Variants in RPS6KC1 observed in about 807,000 individuals in gnomAD.
The protein encoded by RPS6KC1 is inactive ribosomal protein S6 kinase delta-1.
RPS6KC1 carries 54 observed loss-of-function variants against 103.8 expected under a neutral mutation model. The observed-to-expected ratio is 0.52, with a 90% CI of 0.42 to 0.65. RPS6KC1 has a LOEUF of 0.65. Among genes scored for constraint, RPS6KC1 ranks in the 30% least tolerant of loss-of-function variants. The probability of loss-of-function intolerance (pLI) is 0.00; values close to 1 mark genes in which losing one functional copy is unlikely to be tolerated. For missense variants in RPS6KC1, 1,151 were observed against 1,253.8 expected (o/e 0.92, Z 1.24); for synonymous variants, 439 against 438.7 (o/e 1.00, Z -0.01).
At chr1:213,817,653 T>A in the RPS6KC1 span, 2 of 152,224 alleles carry the variant, frequency 1.3e-5, no homozygotes, top group Non-Finnish European at 2.9e-5. Flanking sequence ...ATAGGAATGT[T>A]AGTCCCAGAG....
At chr1:213,384,283 A>AATATAT in the RPS6KC1 span, among the ~76,000 whole-genome samples, 2,103 of 145,150 alleles carry the variant, frequency 0.014, 39 homozygotes, top group African/African-American at 0.054. Flanking sequence ...CTCAAAAAAA[A>AATATAT]ATATATATAT....
At chr1:213,148,934 T>A (rs1320793769) in intron 6 of RPS6KC1, among the ~76,000 whole-genome samples, 3 of 152,190 alleles carry the variant, frequency 2.0e-5, no homozygotes, top group African/African-American at 7.2e-5. Flanking sequence ...ACTTGTCCAT[T>A]TCTTCTAGAC....
intron 8 of RPS6KC1, chr1:213,176,755 G>A: frequency 3.9e-6 from 1 of 257,200 alleles, no homozygotes; most frequent in Non-Finnish European, 7.7e-6. Flanking sequence ...TTTTATAGAA[G>A]TGTTATAGCA....
the RPS6KC1 span, among the ~76,000 whole-genome samples, chr1:213,285,023 A>G: frequency 6.6e-6 from 1 of 152,252 alleles, no homozygotes; most frequent in East Asian, 1.9e-4. Context: ...AAACTCAGAA[A>G]GTATTTTTCC....
In RPS6KC1 at chr1:213,143,043, G is replaced by A. The variant is rs995666065; in HGVS notation, c.835+13154G>A. ...AATTTAAAAGTAAATTAGAGACATC[G>A]TGGCCTTTACTACCGTTGTGTAGTT... On this transcript the variant is annotated intron_variant, in intron 6 of 14. Transcript: ENST00000366960. 3.9e-4 allele frequency among the ~76,000 whole-genome samples: 60 copies of A among 151,932 alleles called. 1 individual carries two copies. Among genetic ancestry groups the A allele is most frequent in the Non-Finnish European group, 7.9e-4 (54 of 68,012 alleles).
chr1:213,568,680 A>G, the RPS6KC1 span, among the ~76,000 whole-genome samples: 1 of 152,170 alleles, frequency 6.6e-6, no homozygotes, highest in African/African-American at 2.4e-5. Context: ...CATTTTAAAG[A>G]GGAGGACGCA....
At chr1:213,453,315 G>A in the RPS6KC1 span, among the ~76,000 whole-genome samples, 1 of 152,254 alleles carries the variant, frequency 6.6e-6, no homozygotes, top group East Asian at 1.9e-4. Flanking sequence ...ACACACATAT[G>A]AGAAAGATAA....
At chr1:213,602,042 TTCTTTCTTTCTTTC>T in the RPS6KC1 span, among the ~76,000 whole-genome samples, 23 of 65,380 alleles carry the variant, frequency 3.5e-4, 1 homozygote, top group East Asian at 2.7e-3. Context: ...TTCTCTTTCT[TTCTTTCTTTCTTTC>T]TCTTTCTTTC....
At chr1:213,812,920 T>C in the RPS6KC1 span, among the ~76,000 whole-genome samples, 1 of 152,072 alleles carries the variant, frequency 6.6e-6, no homozygotes, top group Admixed American at 6.6e-5. Context: ...AAAACTGACA[T>C]GAAGAGAGGC....
At chr1:213,263,304 G>A (rs151169292) in intron 14 of RPS6KC1, among the ~76,000 whole-genome samples, 135 of 152,320 alleles carry the variant, frequency 8.9e-4, no homozygotes, top group Non-Finnish European at 1.4e-3. Flanking sequence ...TGGTGTCAGT[G>A]ATTATATTTC....
chr1:213,183,791 CAATGAAA>C (rs2092400693), intron 8 of RPS6KC1, among the ~76,000 whole-genome samples: 1 of 151,816 alleles, frequency 6.6e-6, no homozygotes, highest in Admixed American at 6.6e-5. Context: ...GAGCAGGAAG[CAATGAAA>C]TTGAAAATAA....
At chr1:213,599,596 G>T in the RPS6KC1 span, among the ~76,000 whole-genome samples, 2 of 152,210 alleles carry the variant, frequency 1.3e-5, no homozygotes, top group Admixed American at 1.3e-4. Flanking sequence ...GTTTCTTGAA[G>T]GCAAAAATCT....
chr1:213,592,847 T>C, the RPS6KC1 span, among the ~76,000 whole-genome samples: 18 of 152,124 alleles, frequency 1.2e-4, no homozygotes, highest in Non-Finnish European at 2.5e-4. Context: ...AGCCAATCGA[T>C]TAATGAACAA....
At chr1:213,475,016 G>A in the RPS6KC1 span, among the ~76,000 whole-genome samples, 1 of 152,338 alleles carries the variant, frequency 6.6e-6, no homozygotes, top group Admixed American at 6.5e-5. Context: ...TCTTCCATAA[G>A]TGGGGCCTCA....
At chr1:213,575,080 A>G in the RPS6KC1 span, among the ~76,000 whole-genome samples, 104 of 152,268 alleles carry the variant, frequency 6.8e-4, 1 homozygote, top group East Asian at 0.015. Flanking sequence ...CTGCCATCCT[A>G]TAGCCATGTG....
chr1:213,689,967 T>A, the RPS6KC1 span, among the ~76,000 whole-genome samples: 1 of 152,140 alleles, frequency 6.6e-6, no homozygotes, highest in Non-Finnish European at 1.5e-5. Context: ...GAGTCCCCCT[T>A]TCTCTGCTCC....
chr1:213,382,533 CTTTTTT>C, the RPS6KC1 span, among the ~76,000 whole-genome samples: 1 of 134,368 alleles, frequency 7.4e-6, no homozygotes, highest in Non-Finnish European at 1.6e-5. Flanking sequence ...TTCACTCCAT[CTTTTTT>C]TTTTTTTTTT....
chr1:213,671,520 T>A, the RPS6KC1 span, among the ~76,000 whole-genome samples: 1,653 of 152,168 alleles, frequency 0.011, 29 homozygotes, highest in Middle Eastern at 0.044. Flanking sequence ...AAATAGGATT[T>A]AAAACCTTCC....
the RPS6KC1 span, among the ~76,000 whole-genome samples, chr1:213,407,213 C>T: frequency 5.5e-4 from 10 of 18,058 alleles, no homozygotes; most frequent in East Asian, 3.1e-3. Context: ...ATTACATGCA[C>T]GCGCGCACAC....
Sources: allele counts gnomAD v4.1 joint callset (sites outside exome capture counted in the v4.1 genomes callset), GRCh38; gene constraint gnomAD v4.1.1; transcripts MANE v1.5; gene names NCBI Gene and HGNC (gene_info 2026-07-23, HGNC 2026-07-21).